STK3: variants seen among roughly 807,000 people sequenced by gnomAD.
The protein encoded by STK3 is serine/threonine kinase 3.
A neutral mutation model predicts 58.0 loss-of-function variants in STK3; 41 were observed. The ratio of observed to expected loss-of-function variants is 0.71; its 90% CI spans 0.55 to 0.92. The LOEUF (loss-of-function observed/expected upper bound fraction) is 0.92, where lower values mean the gene tolerates loss of function less well. Ranked by LOEUF, STK3 falls within the 40% of genes least tolerant of loss-of-function variation. The pLI is 0.00. For missense variants in STK3, 479 were observed against 602.7 expected (o/e 0.79, Z 2.15); for synonymous variants, 170 against 191.0 (o/e 0.89, Z 0.91).
chr8:98,734,711 G>A (rs1263033555), intron 4 of STK3, among the ~76,000 whole-genome samples: 4 of 151,960 alleles, frequency 2.6e-5, no homozygotes, highest in Admixed American at 6.5e-5. Context: ...GATGTTTAAC[G>A]GCATTTAATA....
intron 1 of STK3, among the ~76,000 whole-genome samples, chr8:98,891,357 G>A (rs1291036400): frequency 2.0e-5 from 3 of 151,960 alleles, no homozygotes; most frequent in East Asian, 1.9e-4. Context: ...AAGTATTCTC[G>A]TTTATGGCTC....
intron 3 of STK3, among the ~76,000 whole-genome samples, chr8:98,844,601 G>T (rs759470502): frequency 6.6e-6 from 1 of 152,122 alleles, no homozygotes; most frequent in South Asian, 2.1e-4. Context: ...CAGTAGCTGG[G>T]ATTACAGGCC....
intron 1 of STK3, among the ~76,000 whole-genome samples, chr8:98,384,699 A>C (rs1393896806): frequency 6.6e-6 from 1 of 152,172 alleles, no homozygotes; most frequent in African/African-American, 2.4e-5. Context: ...CCTAAAGCCA[A>C]GTTCTCAATC....
In STK3 at chr8:98,428,822, G is replaced by A. The variant is rs865910565; in HGVS notation, n.483+5305C>T. On this transcript the variant is annotated intron_variant and non_coding_transcript_variant, in intron 3 of 3. Transcript: ENST00000517832. This position sits in a 1 kb window ranked among gnomAD's most constrained non-coding sequence, Gnocchi z 6.7. ...TCACTCTGGTGGTGAACCTGGTGGT[G>A]GAGAGCACACCTACTTTAGCCAACT... 6.2e-7 allele frequency: 1 copy of A among 1,614,192 alleles called. No homozygotes were observed. The highest frequency in any genetic ancestry group is 8.5e-7 in the Non-Finnish European group (1 of 1,180,050).
chr8:98,781,735 A>G (rs1832102292), intron 1 of STK3, among the ~76,000 whole-genome samples: 1 of 152,212 alleles, frequency 6.6e-6, no homozygotes, highest in Non-Finnish European at 1.5e-5. Context: ...ACGAGTCTGT[A>G]ACTTCTTAAG....
At chr8:98,741,128 T>A (rs1394472288) in intron 4 of STK3, among the ~76,000 whole-genome samples, 1 of 152,062 alleles carries the variant, frequency 6.6e-6, no homozygotes, top group African/African-American at 2.4e-5. Flanking sequence ...AGACTTAGAC[T>A]CCCACACAAT....
intron 8 of STK3, among the ~76,000 whole-genome samples, chr8:98,564,767 T>A (rs958616743): frequency 7.4e-4 from 112 of 152,150 alleles, no homozygotes; most frequent in African/African-American, 2.0e-3. Flanking sequence ...CAATTTTTTT[T>A]AAAAAAGAGA....
chr8:98,600,494 T>C (rs1372576087), intron 6 of STK3, among the ~76,000 whole-genome samples: 5 of 152,330 alleles, frequency 3.3e-5, no homozygotes, highest in African/African-American at 4.8e-5. Flanking sequence ...AAGAGTAAGC[T>C]AGCTTATTCA....
chr8:98,514,527 T>C (rs994473182), intron 10 of STK3, among the ~76,000 whole-genome samples: 10 of 136,246 alleles, frequency 7.3e-5, no homozygotes, highest in South Asian at 2.4e-4. Context: ...GCCCCCACAC[T>C]CCCCCTACCT....
At chr8:98,385,554 C>T (rs1433506897) in intron 1 of STK3, among the ~76,000 whole-genome samples, 1 of 152,040 alleles carries the variant, frequency 6.6e-6, no homozygotes, top group East Asian at 1.9e-4. Flanking sequence ...CTGAGGACCT[C>T]CAGGAAGGAG....
At chr8:98,814,202 C>G (rs894999739) in intron 1 of STK3, among the ~76,000 whole-genome samples, 7 of 152,070 alleles carry the variant, frequency 4.6e-5, no homozygotes, top group Admixed American at 2.0e-4. Flanking sequence ...TATCTGCCAC[C>G]ATACCTGGCT....
chr8:98,432,323 C>A (rs954052883), intron 3 of STK3: 3 of 167,058 alleles, frequency 1.8e-5, no homozygotes, highest in Admixed American at 6.5e-5. Context: ...TCACTCCCAG[C>A]ATTTGAAGGT....
downstream of STK3, among the ~76,000 whole-genome samples, chr8:98,368,414 C>T (rs1817584375): frequency 6.6e-6 from 1 of 152,188 alleles, no homozygotes; most frequent in South Asian, 2.1e-4. Flanking sequence ...GACATCCAAC[C>T]AGCATTTAGG....
At chr8:98,606,801 T>C (rs548419629) in intron 6 of STK3, among the ~76,000 whole-genome samples, 92 of 152,352 alleles carry the variant, frequency 6.0e-4, no homozygotes, top group Middle Eastern at 3.4e-3. Flanking sequence ...TGACTGGTCC[T>C]CCTGATTAGC....
downstream of STK3, among the ~76,000 whole-genome samples, chr8:98,370,955 T>G (rs1376904821): frequency 2.0e-5 from 3 of 152,190 alleles, no homozygotes; most frequent in African/African-American, 7.2e-5. Context: ...TGTGAAAGAC[T>G]TTGCCTAGAG....
chr8:98,646,363 T>C (rs1430200979), intron 6 of STK3, among the ~76,000 whole-genome samples: 1 of 152,252 alleles, frequency 6.6e-6, no homozygotes, highest in African/African-American at 2.4e-5. Flanking sequence ...AGTATCTTAA[T>C]ATTTGTAATA....
At chr8:98,419,399 A>G (rs980174762) in intron 3 of STK3, among the ~76,000 whole-genome samples, 5 of 152,018 alleles carry the variant, frequency 3.3e-5, no homozygotes, top group Non-Finnish European at 7.4e-5. Context: ...AAAATCCCTC[A>G]CTACATTCTT....
intron 6 of STK3, among the ~76,000 whole-genome samples, chr8:98,642,009 T>C (rs1029281723): frequency 1.3e-5 from 2 of 152,228 alleles, no homozygotes; most frequent in African/African-American, 4.8e-5. Context: ...TTCTAATCAC[T>C]ACATGTTGAC....
chr8:98,828,500 G>A (rs954178791), upstream of STK3, among the ~76,000 whole-genome samples: 1 of 146,310 alleles, frequency 6.8e-6, no homozygotes, highest in African/African-American at 2.5e-5. Context: ...GCATGCACCT[G>A]TAGTCCCAAC....
Sources: gnomAD v4.1 joint callset for allele counts (sites outside exome capture counted in the v4.1 genomes callset) on GRCh38, gnomAD v4.1.1 for gene constraint, Gnocchi (gnomAD v3.1) non-coding constraint, MANE v1.5 for transcripts, NCBI Gene and HGNC (gene_info 2026-07-23, HGNC 2026-07-21) for gene names.